Variants in GALNTL6 observed in about 807,000 individuals in gnomAD.
GALNTL6 encodes the protein polypeptide N-acetylgalactosaminyltransferase-like 6.
GALNTL6 carries 46 observed loss-of-function variants against 73.7 expected under a neutral mutation model. The observed-to-expected ratio is 0.62, with a 90% CI of 0.49 to 0.80. The LOEUF is 0.80. GALNTL6 is among the 30% of genes least tolerant of loss of function. The pLI, the probability that GALNTL6 is intolerant of heterozygous loss-of-function variation, is 0.00. For missense variants in GALNTL6, 604 were observed against 755.0 expected, an observed-to-expected ratio of 0.80 and a Z score of 2.34; for synonymous variants, 259 against 263.7, an observed-to-expected ratio of 0.98 and a Z score of 0.17.
At chr4:172,464,096 T>G (rs563755400) in intron 5 of GALNTL6, among the ~76,000 whole-genome samples, 1 of 152,242 alleles carries the variant, frequency 6.6e-6, no homozygotes, top group Admixed American at 6.5e-5. Flanking sequence ...AGACAGGGTC[T>G]TGCTACATTG....
intron 5 of GALNTL6, among the ~76,000 whole-genome samples, chr4:172,473,075 G>C (rs1002145490): frequency 1.3e-5 from 2 of 152,104 alleles, no homozygotes; most frequent in Non-Finnish European, 2.9e-5. Flanking sequence ...CCTGATAATT[G>C]CTTCCTGTAC....
intron 2 of GALNTL6, among the ~76,000 whole-genome samples, chr4:172,077,573 T>C (rs2110914635): frequency 6.6e-6 from 1 of 152,174 alleles, no homozygotes; most frequent in Non-Finnish European, 1.5e-5. Context: ...ATTCAAGAGG[T>C]GACCCAGCTG....
At chr4:171,952,855 T>C (rs1445818321) in intron 2 of GALNTL6, among the ~76,000 whole-genome samples, 1 of 121,654 alleles carries the variant, frequency 8.2e-6, no homozygotes, top group Non-Finnish European at 1.8e-5. Flanking sequence ...TAGAAAGTAA[T>C]AAATATATAA....
chr4:171,916,958 T>C (rs1737649505), intron 2 of GALNTL6, among the ~76,000 whole-genome samples: 1 of 151,990 alleles, frequency 6.6e-6, no homozygotes, highest in South Asian at 2.1e-4. Context: ...AGTTTAGGGA[T>C]GTCAGTAATG....
chr4:172,056,025 T>C (rs143920609), intron 2 of GALNTL6, among the ~76,000 whole-genome samples: 4 of 152,296 alleles, frequency 2.6e-5, no homozygotes, highest in African/African-American at 9.6e-5. Flanking sequence ...TAAAAGAGTA[T>C]TTGGGAAACC....
chr4:172,686,719 T>C (rs1732939498), intron 5 of GALNTL6, among the ~76,000 whole-genome samples: 1 of 152,222 alleles, frequency 6.6e-6, no homozygotes, highest in Non-Finnish European at 1.5e-5. Context: ...TTTGTGCTAT[T>C]CTTTGAGTTT....
intron 7 of GALNTL6, among the ~76,000 whole-genome samples, chr4:172,875,053 A>C (rs2111173138): frequency 6.6e-6 from 1 of 152,254 alleles, no homozygotes; most frequent in East Asian, 1.9e-4. Flanking sequence ...AGAGGAGAAA[A>C]GCACGAGCAG....
At chr4:172,002,948 T>C (rs950131614) in intron 2 of GALNTL6, among the ~76,000 whole-genome samples, 1 of 152,186 alleles carries the variant, frequency 6.6e-6, no homozygotes, top group Non-Finnish European at 1.5e-5. Flanking sequence ...AGAGCTTTTA[T>C]AGGCTACATG....
chr4:172,780,603 T>A (rs1467953042), intron 5 of GALNTL6, among the ~76,000 whole-genome samples: 3 of 152,228 alleles, frequency 2.0e-5, no homozygotes, highest in Non-Finnish European at 4.4e-5. Context: ...TGCCTTGACA[T>A]TTTTTCCTGG....
chr4:172,791,000 G>C (rs1004660689), intron 5 of GALNTL6, among the ~76,000 whole-genome samples: 2 of 152,018 alleles, frequency 1.3e-5, no homozygotes, highest in African/African-American at 4.8e-5. Flanking sequence ...GAGAGAATAG[G>C]GGATCAAGGA....
intron 2 of GALNTL6, among the ~76,000 whole-genome samples, chr4:171,909,163 TA>T (rs1737396764): frequency 8.6e-6 from 1 of 116,570 alleles, no homozygotes; most frequent in East Asian, 2.4e-4. Flanking sequence ...AATAAATAAA[TA>T]AAAAGAAAAA....
intron 2 of GALNTL6, among the ~76,000 whole-genome samples, chr4:172,046,533 T>C (rs1444264303): frequency 6.6e-6 from 1 of 152,100 alleles, no homozygotes; most frequent in Non-Finnish European, 1.5e-5. Flanking sequence ...CTGACCCTTG[T>C]TATCTTTTGT....
chr4:172,032,471 G>T (rs1291158775), intron 2 of GALNTL6, among the ~76,000 whole-genome samples: 5 of 152,052 alleles, frequency 3.3e-5, no homozygotes, highest in Non-Finnish European at 7.4e-5. Flanking sequence ...AAGCTCTGAA[G>T]AGAATGTTAT....
intron 5 of GALNTL6, among the ~76,000 whole-genome samples, chr4:172,451,237 A>G (rs1012972592): frequency 2.0e-5 from 3 of 152,224 alleles, no homozygotes; most frequent in Admixed American, 2.0e-4. Flanking sequence ...ATGTACACAG[A>G]GCACATGCTT....
chr4:172,542,153 C>T (rs977343695), intron 5 of GALNTL6, among the ~76,000 whole-genome samples: 14 of 151,582 alleles, frequency 9.2e-5, no homozygotes, highest in Non-Finnish European at 1.5e-5. Flanking sequence ...GACCGGCTGG[C>T]GGCAGATGTG....
chr4:171,860,028 C>T (rs904015572), intron 2 of GALNTL6, among the ~76,000 whole-genome samples: 3 of 152,154 alleles, frequency 2.0e-5, no homozygotes, highest in Non-Finnish European at 4.4e-5. Context: ...ACAGACCTTT[C>T]TTTGGAATGT....
At chr4:172,592,911 T>A (rs1737707739) in intron 5 of GALNTL6, among the ~76,000 whole-genome samples, 1 of 152,160 alleles carries the variant, frequency 6.6e-6, no homozygotes, top group Non-Finnish European at 1.5e-5. Context: ...GAATGACAAA[T>A]GGCTCCAGAA....
intron 7 of GALNTL6, among the ~76,000 whole-genome samples, chr4:172,851,058 C>A (rs1173806143): frequency 6.6e-6 from 1 of 152,134 alleles, no homozygotes; most frequent in African/African-American, 2.4e-5. Context: ...AGCCCCCCTT[C>A]CTTCTCCAGA....
At chr4:172,254,739 A>G (rs1166970637) in intron 3 of GALNTL6, among the ~76,000 whole-genome samples, 1 of 151,744 alleles carries the variant, frequency 6.6e-6, no homozygotes, top group Non-Finnish European at 1.5e-5. Flanking sequence ...TAGTTCCACA[A>G]GAGAAGACAT....
Sources: gnomAD v4.1 joint callset for allele counts (sites outside exome capture counted in the v4.1 genomes callset) on GRCh38, gnomAD v4.1.1 for gene constraint, MANE v1.5 for transcripts, NCBI Gene and HGNC (gene_info 2026-07-23, HGNC 2026-07-21) for gene names.